The following MFSD8 variants were observed in gnomAD, a reference collection of about 807,000 sequenced individuals.
The protein encoded by MFSD8 is major facilitator superfamily domain-containing protein 8.
A neutral mutation model predicts 66.4 loss-of-function variants in MFSD8; 55 were observed. The ratio of observed to expected loss-of-function variants is 0.83; its 90% confidence interval spans 0.67 to 1.04. MFSD8 has a LOEUF of 1.04. Ranked by LOEUF, MFSD8 falls within the 50% of genes least tolerant of loss-of-function variation. The pLI, the probability that MFSD8 is intolerant of heterozygous loss-of-function variation, is 0.00. For synonymous variants in MFSD8, 202 were observed against 212.8 expected, an observed-to-expected ratio of 0.95 and a Z score of 0.44; for missense variants, 550 against 627.6, an observed-to-expected ratio of 0.88 and a Z score of 1.32.
chr4:127,964,196 C>T (rs1360353818), intron 1 of MFSD8, among the ~76,000 whole-genome samples: 1 of 152,266 alleles, frequency 6.6e-6, no homozygotes, highest in Non-Finnish European at 1.5e-5. Flanking sequence ...CGCACCGGGG[C>T]TGCAGGTGGA....
chr4:127,965,375 C>T, upstream of MFSD8: 1 of 604,884 alleles, frequency 1.7e-6, no homozygotes. Flanking sequence ...CTGACGGGGA[C>T]TGAGAGCCCA....
chr4:127,932,414 AT>A (rs1738299476), intron 8 of MFSD8: 1 of 152,552 alleles, frequency 6.6e-6, no homozygotes, highest in South Asian at 2.1e-4. Context: ...AAACTAAAGT[AT>A]TAGCAGTGGT....
intron 7 of MFSD8, among the ~76,000 whole-genome samples, chr4:127,935,800 C>T (rs900008864): frequency 6.6e-6 from 1 of 152,122 alleles, no homozygotes; most frequent in Non-Finnish European, 1.5e-5. Flanking sequence ...GCTAGTATGA[C>T]AGAAAATAAT....
rs587778809 is a variant in MFSD8, at chr4:127,938,781, A to T, written c.754+2T>A. The T allele has an allele frequency of 1.6e-5, 26 of 1,606,642 alleles. No individual in the cohort carries two copies. The highest frequency in any genetic ancestry group is 2.1e-5 in the Non-Finnish European group (25 of 1,174,394). On this transcript the variant is annotated splice_donor_variant, in intron 7 of 11. Coordinates refer to ENST00000641686, the MANE Select transcript of MFSD8 (RefSeq NM_001371596.2). LOFTEE classifies it high-confidence loss of function. ...TAATTCAGCCAAATGGGTTAAAAGT[A>T]CCTTCTTCAAAATTAATACTTTTAC... is the stretch of plus-strand genomic sequence containing the variant.
Position 127,933,008 on chromosome 4 carries a change from TAG to T in MFSD8, c.838_839del (p.Leu280IlefsTer7). 1 of 1,613,394 alleles carries T rather than the reference TAG, an allele frequency of 6.2e-7. No individual in the cohort carries two copies. Among genetic ancestry groups the T allele is most frequent in the South Asian group, 1.1e-5 (1 of 91,064 alleles). Reference protein sequence around the residue: ...VAINVLFFVTLFIFALFETII... With the variant: ...VAINVLFFVTXFIFALFETII... ...ACGTTTCAAAAAGGGCAAAGATAAATAGAGTCACAAAAAACAGAACATTGATG... is the reference window on the plus strand; with the variant it reads ...ACGTTTCAAAAAGGGCAAAGATAAATAGTCACAAAAAACAGAACATTGATG... On this transcript the variant is annotated frameshift_variant, in exon 8 of 12. Transcript: ENST00000641686. LOFTEE classifies it high-confidence loss of function.
At chr4:127,923,487 G>A (rs774473461) in intron 9 of MFSD8, among the ~76,000 whole-genome samples, 46 of 151,466 alleles carry the variant, frequency 3.0e-4, no homozygotes, top group Non-Finnish European at 4.6e-4. Flanking sequence ...AGATTTGATC[G>A]TGGTGGATAA....
chr4:127,926,191 A>T (rs1481501363), intron 9 of MFSD8, among the ~76,000 whole-genome samples: 20 of 130,676 alleles, frequency 1.5e-4, no homozygotes, highest in Non-Finnish European at 8.3e-5. Flanking sequence ...CTATGTAACA[A>T]ACCTGCACAT....
At chr4:127,925,683 A>G (rs1737085587) in intron 9 of MFSD8, among the ~76,000 whole-genome samples, 2 of 152,194 alleles carry the variant, frequency 1.3e-5, no homozygotes, top group Admixed American at 1.3e-4. Flanking sequence ...CAGTGTGGCA[A>G]TTCCCCAAGG....
At chr4:127,960,181 T>C (rs1410454464) in intron 1 of MFSD8, among the ~76,000 whole-genome samples, 1 of 152,102 alleles carries the variant, frequency 6.6e-6, no homozygotes, top group East Asian at 1.9e-4. Context: ...ACTTAAAAAC[T>C]AAAAGGAATA....
rs548444219 is a variant in MFSD8 at position 127,943,746 on chromosome 4, C to A, written c.439+6G>T. The A allele has an allele frequency of 2.5e-6, 4 of 1,614,038 alleles. No individual in the cohort carries two copies. The Admixed American group carries it at 5.0e-5, about 20-fold the overall frequency. On this transcript the variant is annotated splice_donor_region_variant and intron_variant, in intron 4 of 11. Coordinates refer to ENST00000641686, the MANE Select transcript of MFSD8 (RefSeq NM_001371596.2). ...GACACAACCAAACATATACATACAACCTTACCTGCTCCAATTCCCAACAAT... is the reference window on the plus strand; with the variant it reads ...GACACAACCAAACATATACATACAAACTTACCTGCTCCAATTCCCAACAAT...
chr4:127,931,835 G>A (rs990784420), intron 8 of MFSD8, among the ~76,000 whole-genome samples: 2 of 152,108 alleles, frequency 1.3e-5, no homozygotes, highest in East Asian at 1.9e-4. Context: ...AGTGCCAGGC[G>A]CGGAGGCTCA....
At chr4:127,927,195 G>A (rs946863056) in intron 9 of MFSD8, among the ~76,000 whole-genome samples, 2 of 148,810 alleles carry the variant, frequency 1.3e-5, no homozygotes, top group African/African-American at 2.5e-5. Context: ...TTTGTTTTTC[G>A]CTTTTTTTGA....
Position 127,939,951 on chromosome 4 carries a change from C to T in MFSD8, c.600G>A (p.Trp200Ter). Residue 200 changes from tryptophan to a stop codon, truncating the protein, a stop_gained, in exon 6 of 12, where the codon TGG becomes TGA. Coordinates refer to ENST00000641686, the MANE Select transcript of MFSD8 (RefSeq NM_001371596.2). LOFTEE classifies it high-confidence loss of function. ...FTFLGEKGVT[W>*]DVIKLQINMY... ...TGTTTATCTGCAGTTTAATCACATCCCATGTCACACCTTTTTCTCCAAGGA... is the reference window on the plus strand; with the variant it reads ...TGTTTATCTGCAGTTTAATCACATCTCATGTCACACCTTTTTCTCCAAGGA... The T allele has an allele frequency of 6.2e-7, 1 of 1,613,460 alleles. No homozygotes were observed. Among genetic ancestry groups the T allele is most frequent in the South Asian group, 1.1e-5 (1 of 91,032 alleles).
At chr4:127,942,200 C>G in intron 4 of MFSD8, 42 bp from the exon 5 acceptor site, 2 of 1,459,838 alleles carry the variant, frequency 1.4e-6, no homozygotes, top group Non-Finnish European at 1.9e-6. Flanking sequence ...AAGAAAGTAT[C>G]ATTCAGCTTA....
rs1736086032 is a variant in MFSD8, at chr4:127,919,081, AAC to A, written c.*1547_*1548del. On this transcript the variant is annotated 3_prime_UTR_variant, in exon 12 of 12. Transcript: ENST00000641686. ...GCTATGGGCGGCAGAGGAGAGTGAA[AAC>A]AGTCTTCAAAATTTAATCGTAGAAT... 6.6e-6 allele frequency: 1 copy of A among 152,218 alleles called. No homozygotes were observed. The highest frequency in any genetic ancestry group is 6.5e-5 in the Admixed American group (1 of 15,276). The allele number at this position is 152,218 out of a possible 1,614,324, so 9.4% of individuals were successfully genotyped here. A position where few individuals can be genotyped will look rare whatever the true frequency, so the allele number is the denominator to read the frequency against.
chr4:127,935,349 C>T (rs897498854), intron 7 of MFSD8, among the ~76,000 whole-genome samples: 2 of 152,164 alleles, frequency 1.3e-5, no homozygotes, highest in African/African-American at 4.8e-5. Context: ...ATAGCTTCTA[C>T]TCAGTGTTGG....
intron 9 of MFSD8, among the ~76,000 whole-genome samples, chr4:127,923,397 G>C (rs1301999461): frequency 1.3e-5 from 2 of 151,978 alleles, no homozygotes; most frequent in African/African-American, 4.8e-5. Flanking sequence ...TGTGGTTTTT[G>C]TCATTGGTTC....
rs1460276679 is a variant in MFSD8, at chr4:127,921,875, TG to T, written c.1086del (p.Ile364TyrfsTer50). On this transcript the variant is annotated frameshift_variant, in exon 10 of 12. Coordinates refer to ENST00000641686, the MANE Select transcript of MFSD8 (RefSeq NM_001371596.2). LOFTEE classifies it high-confidence loss of function. ...FILLPWGNQF[P>X]KIQWEDLHNN... ...ATGGCTATACCTTCCCACTGTATTT[TG>T]GGAAATTGATTTCCCCAAGGTAACA... is the stretch of plus-strand genomic sequence containing the variant. The T allele has an allele frequency of 1.9e-6, 3 of 1,614,150 alleles. No homozygotes were observed. The Admixed American group carries it at 5.0e-5, about 27-fold the overall frequency.
Position 127,938,916 on chromosome 4 carries a change from A to AT in MFSD8, c.699-79dup, listed in dbSNP as rs1360948973. ...TGTTTAAATTTATTATCGGCATTGT[A>AT]TTTTTTTTCACATTCTAATATAGTT... On this transcript the variant is annotated intron_variant, in intron 6 of 11. Transcript: ENST00000641686. 182 of 1,137,294 alleles carry AT rather than the reference A, an allele frequency of 1.6e-4. 1 individual carries two copies. Among genetic ancestry groups the AT allele is most frequent in the Middle Eastern group, 2.2e-4 (1 of 4,564 alleles). 70.5% of individuals were successfully genotyped at this position (1,137,294 alleles called of 1,614,324 possible).
Sources: allele counts gnomAD v4.1 joint callset (sites outside exome capture counted in the v4.1 genomes callset), GRCh38; gene constraint gnomAD v4.1.1; transcripts MANE v1.5; gene names NCBI Gene and HGNC (gene_info 2026-07-23, HGNC 2026-07-21).